SSH2: variants seen among roughly 807,000 people sequenced by gnomAD.
SSH2 encodes the protein slingshot protein phosphatase 2.
In SSH2, 37 loss-of-function variants were observed where a neutral mutation model predicts 135.2. The observed-to-expected ratio is 0.27, with a 90% CI of 0.21 to 0.36. SSH2 has a LOEUF of 0.36. SSH2 is among the 10% of genes least tolerant of loss of function. The probability of loss-of-function intolerance (pLI) is 1.00; values close to 1 mark genes in which losing one functional copy is unlikely to be tolerated. For missense variants in SSH2, 1,408 were observed against 1,765.3 expected, an observed-to-expected ratio of 0.80 and a Z score of 3.63; for synonymous variants, 628 against 646.2, an observed-to-expected ratio of 0.97 and a Z score of 0.43.
intron 1 of SSH2, among the ~76,000 whole-genome samples, chr17:29,883,993 T>A (rs1483403614): frequency 6.6e-6 from 1 of 152,178 alleles, no homozygotes; most frequent in Admixed American, 6.5e-5. Flanking sequence ...CATATATATA[T>A]GATGAGTGAG....
At chr17:29,702,341 A>C (rs2039016713) in intron 4 of SSH2, among the ~76,000 whole-genome samples, 1 of 117,038 alleles carries the variant, frequency 8.5e-6, no homozygotes, top group Non-Finnish European at 1.7e-5. Context: ...TGACAGAGTG[A>C]GAGTCTGTCT....
chr17:29,924,109 C>G (rs1474439028), intron 1 of SSH2, among the ~76,000 whole-genome samples: 2 of 152,104 alleles, frequency 1.3e-5, no homozygotes, highest in Admixed American at 6.5e-5. Context: ...GGATTTCCTA[C>G]AATAGTCATT....
At chr17:29,756,113 A>G (rs879530549) in intron 3 of SSH2, among the ~76,000 whole-genome samples, 4 of 151,514 alleles carry the variant, frequency 2.6e-5, no homozygotes, top group Non-Finnish European at 5.9e-5. Context: ...TAAAAAAAGA[A>G]AGAAAAAAAA....
intron 3 of SSH2, among the ~76,000 whole-genome samples, chr17:29,718,549 C>T (rs1336631382): frequency 1.3e-5 from 2 of 151,898 alleles, no homozygotes; most frequent in African/African-American, 2.4e-5. Flanking sequence ...CTGGCTAACA[C>T]GGTGAAACCT....
At chr17:29,692,278 G>A (rs1164220216) in intron 5 of SSH2, among the ~76,000 whole-genome samples, 2 of 152,004 alleles carry the variant, frequency 1.3e-5, no homozygotes, top group African/African-American at 4.8e-5. Context: ...TTTGCTTTGA[G>A]TCTACAAATG....
chr17:29,775,336 T>C (rs1345938910), intron 3 of SSH2, among the ~76,000 whole-genome samples: 7 of 151,110 alleles, frequency 4.6e-5, no homozygotes, highest in Non-Finnish European at 8.8e-5. Flanking sequence ...GCGCCCATGC[T>C]GAAGTGCACT....
At chr17:29,765,238 A>C (rs1309592015) in intron 3 of SSH2, among the ~76,000 whole-genome samples, 1 of 152,214 alleles carries the variant, frequency 6.6e-6, no homozygotes, top group Non-Finnish European at 1.5e-5. Flanking sequence ...ATAAACAGTC[A>C]CCTAGTGCAA....
At chr17:29,664,445 TTAAA>T (rs2037189102) in intron 11 of SSH2, among the ~76,000 whole-genome samples, 2 of 152,150 alleles carry the variant, frequency 1.3e-5, no homozygotes, top group South Asian at 4.1e-4. Context: ...GTCTTGATGA[TTAAA>T]TAAATATGAT....
At chr17:29,802,788 G>C (rs941279770) in intron 2 of SSH2, among the ~76,000 whole-genome samples, 1 of 152,008 alleles carries the variant, frequency 6.6e-6, no homozygotes, top group Non-Finnish European at 1.5e-5. Flanking sequence ...GGGGGTTAAG[G>C]CTATCAAGTA....
chr17:29,798,711 T>A (rs1329860330), intron 2 of SSH2, among the ~76,000 whole-genome samples: 1 of 152,328 alleles, frequency 6.6e-6, no homozygotes, highest in Middle Eastern at 3.4e-3. Flanking sequence ...AGACAGCATT[T>A]GAACCTTACT....
At chr17:29,706,493 G>T (rs766425469) in intron 3 of SSH2, among the ~76,000 whole-genome samples, 5 of 152,064 alleles carry the variant, frequency 3.3e-5, no homozygotes, top group Non-Finnish European at 5.9e-5. Context: ...TGTTACAACC[G>T]TGGTGTTCAC....
chr17:29,888,217 G>A (rs756800529), intron 1 of SSH2, among the ~76,000 whole-genome samples: 14 of 152,042 alleles, frequency 9.2e-5, no homozygotes, highest in Non-Finnish European at 1.5e-4. Context: ...CAGCCTGACC[G>A]AAAGAGTAAG....
intron 3 of SSH2, among the ~76,000 whole-genome samples, chr17:29,719,410 G>C (rs763047943): frequency 1.3e-5 from 2 of 151,812 alleles, no homozygotes; most frequent in Non-Finnish European, 2.9e-5. Context: ...TACTCGGGAG[G>C]CTAAGGCAGG....
At chr17:29,788,253 G>A (rs1362479822) in intron 3 of SSH2, among the ~76,000 whole-genome samples, 4 of 152,192 alleles carry the variant, frequency 2.6e-5, no homozygotes, top group African/African-American at 4.8e-5. Context: ...TCAGTAGACT[G>A]GGTAAAGCAG....
chr17:29,699,480 C>T (rs1242688347), intron 4 of SSH2, among the ~76,000 whole-genome samples: 1 of 152,162 alleles, frequency 6.6e-6, no homozygotes, highest in Non-Finnish European at 1.5e-5. Flanking sequence ...ACTCGCACTG[C>T]CTCATCTGTT....
chr17:29,858,722 A>T (rs2065708330), intron 1 of SSH2, among the ~76,000 whole-genome samples: 1 of 152,126 alleles, frequency 6.6e-6, no homozygotes, highest in African/African-American at 2.4e-5. Context: ...CTACAAAAAA[A>T]TAAAAACAAA....
chr17:29,747,243 C>T (rs1474060323), intron 3 of SSH2, among the ~76,000 whole-genome samples: 1 of 152,204 alleles, frequency 6.6e-6, no homozygotes, highest in Non-Finnish European at 1.5e-5. Context: ...AATTCTACTT[C>T]TTCTACCCTG....
At chr17:29,744,860 A>AGTGAGTGTGT (rs1555625827) in intron 3 of SSH2, among the ~76,000 whole-genome samples, 1 of 140,426 alleles carries the variant, frequency 7.1e-6, no homozygotes, top group Non-Finnish European at 1.5e-5. Flanking sequence ...GGATTACTTG[A>AGTGAGTGTGT]GTGTGTGTGT....
intron 12 of SSH2, among the ~76,000 whole-genome samples, chr17:29,654,920 A>C (rs1183146113): frequency 6.6e-6 from 1 of 152,164 alleles, no homozygotes; most frequent in African/African-American, 2.4e-5. Context: ...GAAGACGCTC[A>C]ATCAATGTTG....
Sources: gnomAD v4.1 joint callset for allele counts (sites outside exome capture counted in the v4.1 genomes callset) on GRCh38, gnomAD v4.1.1 for gene constraint, MANE v1.5 for transcripts, NCBI Gene and HGNC (gene_info 2026-07-23, HGNC 2026-07-21) for gene names.